The following SPATA6 variants were observed in gnomAD, a reference collection of about 807,000 sequenced individuals.
SPATA6 encodes spermatogenesis-associated protein 6.
A neutral mutation model predicts 65.3 loss-of-function variants in SPATA6; 56 were observed. The ratio of observed to expected loss-of-function variants is 0.86; its 90% CI spans 0.69 to 1.07. SPATA6 has a LOEUF of 1.07. Among genes scored for constraint, SPATA6 ranks in the 50% least tolerant of loss-of-function variants. The pLI is 0.00. For missense variants in SPATA6, 590 were observed against 594.8 expected, an observed-to-expected ratio of 0.99 and a Z score of 0.08; for synonymous variants, 199 against 213.2, an observed-to-expected ratio of 0.93 and a Z score of 0.58.
At chr1:48,334,191 T>C (rs1254169062) in intron 11 of SPATA6, among the ~76,000 whole-genome samples, 2 of 152,078 alleles carry the variant, frequency 1.3e-5, no homozygotes, top group African/African-American at 2.4e-5. Context: ...AGCCAAATTC[T>C]ACCAGATGTT....
chr1:48,376,219 A>C (rs942996454), intron 9 of SPATA6, among the ~76,000 whole-genome samples: 1 of 152,222 alleles, frequency 6.6e-6, no homozygotes, highest in Non-Finnish European at 1.5e-5. Flanking sequence ...TCTTAAAGGT[A>C]AATCCCCTTC....
At chr1:48,366,798 A>G (rs961095739) in intron 9 of SPATA6, among the ~76,000 whole-genome samples, 29 of 151,858 alleles carry the variant, frequency 1.9e-4, no homozygotes, top group African/African-American at 7.0e-4. Context: ...TATTTCCTTC[A>G]GTTCTGCTCT....
Position 48,296,857 on chromosome 1 carries a change from T to C in SPATA6, c.*1856A>G, listed in dbSNP as rs1219324799. On this transcript the variant is annotated 3_prime_UTR_variant, in exon 13 of 13. Transcript: ENST00000371847. ...GGGTGGTGGCAAGAATAACAAATAG[T>C]GGTACATGCTAAATTTAGTTTAGAA... 6.6e-6 allele frequency: 1 copy of C among 152,056 alleles called. No individual in the cohort carries two copies. The highest frequency in any genetic ancestry group is 1.5e-5 in the Non-Finnish European group (1 of 68,006). 9.4% of individuals were successfully genotyped at this position (152,056 alleles called of 1,614,324 possible).
chr1:48,399,533 A>G lies in SPATA6; in HGVS notation c.598T>C (p.Cys200Arg). 1.2e-6 allele frequency: 2 copies of G among 1,613,218 alleles called. No individual in the cohort carries two copies. Among genetic ancestry groups the G allele is most frequent in the Admixed American group, 1.7e-5 (1 of 59,912 alleles). Residue 200 changes from cysteine to arginine, a missense_variant, in exon 7 of 13, where the codon TGT (cysteine) becomes CGT (arginine). Cys to Arg is a radical substitution (Grantham distance 180). Coordinates refer to ENST00000371847, the MANE Select transcript of SPATA6 (RefSeq NM_019073.4). ...TGTTCGTAGTTTTTTGCATTTATACAGTATTTACTTCTCTCAGGTGACTTG... is the reference window on the plus strand; with the variant it reads ...TGTTCGTAGTTTTTTGCATTTATACGGTATTTACTTCTCTCAGGTGACTTG... ...KSKSPERSKY[C>R]INAKNYEQPT...
chr1:48,438,771 T>C (rs986421903), intron 3 of SPATA6, among the ~76,000 whole-genome samples: 1 of 152,198 alleles, frequency 6.6e-6, no homozygotes, highest in African/African-American at 2.4e-5. Context: ...GGTGCTTTTC[T>C]AGTTTCTCCT....
chr1:48,384,363 A>C (rs1570402565), intron 9 of SPATA6, among the ~76,000 whole-genome samples: 1 of 1,940 alleles, frequency 5.2e-4, no homozygotes, highest in African/African-American at 2.3e-3. Flanking sequence ...GGAGAGGGAG[A>C]GGGAGAGGGA....
At chr1:48,332,886 C>T (rs180672083) in intron 11 of SPATA6, among the ~76,000 whole-genome samples, 1 of 152,234 alleles carries the variant, frequency 6.6e-6, no homozygotes, top group Non-Finnish European at 1.5e-5. Flanking sequence ...TCTTGGACCA[C>T]AGTACAATAA....
At chr1:48,381,662 T>TA (rs1409760096) in intron 9 of SPATA6, among the ~76,000 whole-genome samples, 3 of 144,322 alleles carry the variant, frequency 2.1e-5, no homozygotes, top group Non-Finnish European at 4.5e-5. Flanking sequence ...TTTTTTTTTT[T>TA]TATATGAATA....
intron 9 of SPATA6, among the ~76,000 whole-genome samples, chr1:48,374,186 A>C (rs1647621823): frequency 6.6e-6 from 1 of 152,180 alleles, no homozygotes; most frequent in Admixed American, 6.5e-5. Flanking sequence ...GCAAAAATAA[A>C]ATTCTTTATA....
chr1:48,320,583 C>G (rs933956378), intron 11 of SPATA6, among the ~76,000 whole-genome samples: 1 of 152,190 alleles, frequency 6.6e-6, no homozygotes, highest in African/African-American at 2.4e-5. Flanking sequence ...GGGACTTCGT[C>G]AACAGCAGAC....
At chr1:48,304,093 G>C (rs956266408) in intron 12 of SPATA6, among the ~76,000 whole-genome samples, 2 of 152,168 alleles carry the variant, frequency 1.3e-5, no homozygotes, top group African/African-American at 4.8e-5. Context: ...ATGGAAAGCA[G>C]AACGGGAGGA....
At chr1:48,314,313 T>C (rs1645331252) in intron 11 of SPATA6, among the ~76,000 whole-genome samples, 1 of 152,056 alleles carries the variant, frequency 6.6e-6, no homozygotes, top group Admixed American at 6.6e-5. Flanking sequence ...TCAGCAAATG[T>C]AAAAGAACAG....
the SPATA6 span, among the ~76,000 whole-genome samples, chr1:48,271,301 A>G: frequency 6.6e-6 from 1 of 152,130 alleles, no homozygotes; most frequent in Non-Finnish European, 1.5e-5. Context: ...GCAGGCCATT[A>G]TATTAGAAAA....
chr1:48,385,811 GT>G (rs1197873502), intron 8 of SPATA6, among the ~76,000 whole-genome samples: 3 of 152,068 alleles, frequency 2.0e-5, no homozygotes, highest in Non-Finnish European at 4.4e-5. Context: ...TATAGATCTT[GT>G]TGACAAATAA....
At chr1:48,437,111 C>T (rs1570573402) in intron 3 of SPATA6, 1 of 1,598,344 alleles carries the variant, frequency 6.3e-7, no homozygotes, top group South Asian at 1.1e-5. Flanking sequence ...TCAATACTTT[C>T]ACGGTTGCCT....
At chr1:48,436,674 A>T in intron 3 of SPATA6, 4 of 1,614,202 alleles carry the variant, frequency 2.5e-6, no homozygotes, top group Non-Finnish European at 3.4e-6. Context: ...TGAGTCCAGA[A>T]CTACTGAGAC....
At chr1:48,436,909 A>C (rs1570572891) in intron 3 of SPATA6, 2 of 1,613,644 alleles carry the variant, frequency 1.2e-6, no homozygotes, top group Non-Finnish European at 1.7e-6. Context: ...AATTGGAGAA[A>C]GTGTGCTTGT....
At chr1:48,431,492 G>C (rs570281713) in intron 3 of SPATA6, among the ~76,000 whole-genome samples, 1 of 152,006 alleles carries the variant, frequency 6.6e-6, no homozygotes, top group Non-Finnish European at 1.5e-5. Flanking sequence ...AGTATATATG[G>C]GGTATATATG....
intron 11 of SPATA6, among the ~76,000 whole-genome samples, chr1:48,350,556 T>G (rs899527263): frequency 1.3e-5 from 2 of 151,932 alleles, no homozygotes; most frequent in African/African-American, 4.8e-5. Context: ...ACATTGAAGA[T>G]CTATGATCTA....
Sources: gnomAD v4.1 joint callset for allele counts (sites outside exome capture counted in the v4.1 genomes callset) on GRCh38, gnomAD v4.1.1 for gene constraint, MANE v1.5 for transcripts, NCBI Gene and HGNC (gene_info 2026-07-23, HGNC 2026-07-21) for gene names.